Variants in ZMAT4 observed in about 807,000 individuals in gnomAD.
ZMAT4 encodes the protein zinc finger matrin-type protein 4.
A neutral mutation model predicts 28.7 loss-of-function variants in ZMAT4; 17 were observed. That is an observed-to-expected ratio of 0.59 (90% CI 0.41 to 0.89). The LOEUF (loss-of-function observed/expected upper bound fraction) is 0.89. ZMAT4 is among the 40% of genes least tolerant of loss of function. ZMAT4 has a pLI of 0.00. For missense variants in ZMAT4, 240 were observed against 283.8 expected (o/e 0.85, Z 1.11); for synonymous variants, 117 against 109.2 (o/e 1.07, Z -0.44).
intron 5 of ZMAT4, among the ~76,000 whole-genome samples, chr8:40,618,140 T>TAACC (rs1233682558): frequency 6.6e-6 from 1 of 152,174 alleles, no homozygotes; most frequent in African/African-American, 2.4e-5. Flanking sequence ...TTTAACAAGG[T>TAACC]AACCAACCCT....
chr8:40,694,942 C>A (rs746310392), intron 4 of ZMAT4, among the ~76,000 whole-genome samples: 1 of 152,166 alleles, frequency 6.6e-6, no homozygotes, highest in Non-Finnish European at 1.5e-5. Context: ...ACCCCCTTTC[C>A]AGAGAGGGTC....
intron 3 of ZMAT4, among the ~76,000 whole-genome samples, chr8:40,731,725 A>T (rs2150526664): frequency 6.6e-6 from 1 of 152,364 alleles, no homozygotes; most frequent in African/African-American, 2.4e-5. Flanking sequence ...AGTCAAGAAA[A>T]TGATTTATGA....
chr8:40,826,570 A>G (rs917723606), intron 1 of ZMAT4, among the ~76,000 whole-genome samples: 9 of 152,308 alleles, frequency 5.9e-5, no homozygotes, highest in African/African-American at 1.9e-4. Flanking sequence ...TTAGAGTTAA[A>G]TAGTTGCACT....
intron 1 of ZMAT4, among the ~76,000 whole-genome samples, chr8:40,850,763 T>C (rs1817075167): frequency 6.6e-6 from 1 of 152,150 alleles, no homozygotes; most frequent in Non-Finnish European, 1.5e-5. Flanking sequence ...ACCTTATGCC[T>C]CTCCTTACAG....
At chr8:40,695,362 A>G (rs1351957731) in intron 4 of ZMAT4, among the ~76,000 whole-genome samples, 2 of 152,120 alleles carry the variant, frequency 1.3e-5, no homozygotes, top group Non-Finnish European at 2.9e-5. Context: ...ACTTTCCAAG[A>G]TCCTTTCTGC....
chr8:40,735,598 A>G (rs186879027), intron 3 of ZMAT4, among the ~76,000 whole-genome samples: 231 of 152,350 alleles, frequency 1.5e-3, no homozygotes, highest in African/African-American at 5.4e-3. Context: ...AATTTAACCC[A>G]TCATAAAGCT....
At chr8:40,710,621 GAA>G (rs1162046567) in intron 3 of ZMAT4, among the ~76,000 whole-genome samples, 7 of 143,474 alleles carry the variant, frequency 4.9e-5, no homozygotes, top group Admixed American at 4.2e-4. Flanking sequence ...TTTGTGGGGG[GAA>G]AAAAAAAAAG....
At chr8:40,566,138 G>T (rs1255358404) in intron 6 of ZMAT4, among the ~76,000 whole-genome samples, 1 of 152,134 alleles carries the variant, frequency 6.6e-6, no homozygotes, top group Non-Finnish European at 1.5e-5. Flanking sequence ...ATCAAGGAAA[G>T]TTCTGATGTT....
intron 3 of ZMAT4, among the ~76,000 whole-genome samples, chr8:40,720,110 C>T (rs1226117113): frequency 6.6e-6 from 1 of 152,204 alleles, no homozygotes; most frequent in African/African-American, 2.4e-5. Context: ...ATGTCTGCAG[C>T]TGAACATTCT....
At chr8:40,611,117 T>C (rs1805779041) in intron 5 of ZMAT4, among the ~76,000 whole-genome samples, 1 of 152,198 alleles carries the variant, frequency 6.6e-6, no homozygotes, top group South Asian at 2.1e-4. Flanking sequence ...CACTTGAAAG[T>C]AGTTTTAATG....
intron 6 of ZMAT4, among the ~76,000 whole-genome samples, chr8:40,546,443 T>G (rs1286325348): frequency 6.6e-6 from 1 of 152,180 alleles, no homozygotes; most frequent in African/African-American, 2.4e-5. Context: ...AACTCTATGT[T>G]CACTTTCAAT....
chr8:40,768,195 C>T (rs563101564), intron 2 of ZMAT4, among the ~76,000 whole-genome samples: 2 of 152,206 alleles, frequency 1.3e-5, no homozygotes, highest in South Asian at 4.1e-4. Context: ...CACACACAGA[C>T]TTCATTAATA....
intron 2 of ZMAT4, among the ~76,000 whole-genome samples, chr8:40,802,521 A>C (rs964067348): frequency 6.6e-6 from 1 of 152,050 alleles, no homozygotes; most frequent in African/African-American, 2.4e-5. Flanking sequence ...TATAAGATCT[A>C]TATAAGAAAA....
intron 4 of ZMAT4, among the ~76,000 whole-genome samples, chr8:40,689,245 G>A (rs1809553674): frequency 6.6e-6 from 1 of 152,190 alleles, no homozygotes; most frequent in African/African-American, 2.4e-5. Flanking sequence ...CAGCATCCTG[G>A]GTGAGATCAT....
intron 2 of ZMAT4, among the ~76,000 whole-genome samples, chr8:40,801,349 A>ATATATATATATATATATATATATAT (rs1334146524): frequency 1.7e-3 from 82 of 48,618 alleles, no homozygotes; most frequent in African/African-American, 6.1e-3. Flanking sequence ...TTTAAAAAAA[A>ATATATATATATATATATATATATAT]AAATATATAT....
chr8:40,705,491 C>A (rs1016363673), intron 3 of ZMAT4, among the ~76,000 whole-genome samples: 16 of 152,146 alleles, frequency 1.1e-4, no homozygotes, highest in African/African-American at 3.6e-4. Flanking sequence ...GTATCTAGAG[C>A]AGCATCGTCC....
intron 5 of ZMAT4, among the ~76,000 whole-genome samples, chr8:40,661,294 T>G (rs1808183672): frequency 1.3e-5 from 2 of 152,206 alleles, no homozygotes; most frequent in South Asian, 4.1e-4. Flanking sequence ...GAAATGGGGT[T>G]TCACCATGTT....
At chr8:40,835,667 T>C (rs1816452518) in intron 1 of ZMAT4, among the ~76,000 whole-genome samples, 2 of 152,186 alleles carry the variant, frequency 1.3e-5, no homozygotes, top group Admixed American at 1.3e-4. Flanking sequence ...AATGCAGCAA[T>C]GGCATTCAGG....
At chr8:40,766,795 CA>C (rs1402166459) in intron 3 of ZMAT4, among the ~76,000 whole-genome samples, 2 of 152,196 alleles carry the variant, frequency 1.3e-5, no homozygotes, top group African/African-American at 4.8e-5. Flanking sequence ...AAAGTTTCTT[CA>C]GTGATCATGT....
Sources: gnomAD v4.1 joint callset for allele counts (sites outside exome capture counted in the v4.1 genomes callset) on GRCh38, gnomAD v4.1.1 for gene constraint, MANE v1.5 for transcripts, NCBI Gene and HGNC (gene_info 2026-07-23, HGNC 2026-07-21) for gene names.